Variants in MIPOL1 observed in about 807,000 individuals in gnomAD.
MIPOL1 encodes the protein mirror-image polydactyly gene 1 protein.
Under a neutral mutation model 60.9 loss-of-function variants are expected in MIPOL1, and 57 were observed. The ratio of observed to expected loss-of-function variants is 0.94; its 90% CI spans 0.76 to 1.17. The LOEUF (loss-of-function observed/expected upper bound fraction) is 1.17, where lower values mean the gene tolerates loss of function less well. MIPOL1 is among the 50% of genes most tolerant of loss of function. The pLI is 0.00. For synonymous variants in MIPOL1, 179 were observed against 168.8 expected, an observed-to-expected ratio of 1.06 and a Z score of -0.47; for missense variants, 551 against 511.6, an observed-to-expected ratio of 1.08 and a Z score of -0.74.
intron 3 of MIPOL1, among the ~76,000 whole-genome samples, chr14:37,265,028 G>A (rs1376377196): frequency 6.6e-6 from 1 of 152,002 alleles, no homozygotes; most frequent in Non-Finnish European, 1.5e-5. Flanking sequence ...CTTGGACTTT[G>A]TCCTTAATAC....
At chr14:37,308,733 A>G (rs867179358) in intron 9 of MIPOL1, among the ~76,000 whole-genome samples, 4 of 152,160 alleles carry the variant, frequency 2.6e-5, no homozygotes, top group African/African-American at 9.6e-5. Context: ...AATTTAATGC[A>G]GTCTCATTTC....
chr14:37,519,051 A>G (rs961339174), intron 12 of MIPOL1, among the ~76,000 whole-genome samples: 6 of 152,230 alleles, frequency 3.9e-5, no homozygotes, highest in African/African-American at 9.6e-5. Flanking sequence ...ATAAATGTAG[A>G]GAGAATGATA....
At chr14:37,396,518 G>T (rs1239545281) in intron 10 of MIPOL1, among the ~76,000 whole-genome samples, 1 of 145,642 alleles carries the variant, frequency 6.9e-6, no homozygotes, top group Non-Finnish European at 1.5e-5. Flanking sequence ...GGATGTGTAG[G>T]TCTCTAGCAA....
chr14:37,251,372 A>G lies in MIPOL1; in HGVS notation c.19+3465A>G, dbSNP rs186210617. On this transcript the variant is annotated intron_variant, in intron 3 of 12. Coordinates refer to ENST00000684589, the MANE Select transcript of MIPOL1 (RefSeq NM_001388067.1). The stretch of plus-strand genomic sequence containing the variant: ...CGAAAACAACTGTATCTAGCCCCCA[A>G]GTTTCTTTAAGGAGTTAAAAAAACA... Among the ~76,000 whole-genome samples, 64 of 152,176 alleles carry G rather than the reference A, an allele frequency of 4.2e-4. No homozygotes were observed. The East Asian group carries it at 8.7e-3, about 21-fold the overall frequency.
chr14:37,223,798 G>A (rs944188051), intron 1 of MIPOL1, among the ~76,000 whole-genome samples: 1 of 152,204 alleles, frequency 6.6e-6, no homozygotes, highest in Non-Finnish European at 1.5e-5. Context: ...GCCCTGCCTG[G>A]CCCCTCCTGG....
Position 37,335,181 on chromosome 14 carries a change from C to T in MIPOL1, c.828+26662C>T, listed in dbSNP as rs1595199047. On this transcript the variant is annotated intron_variant, in intron 9 of 12. Transcript: ENST00000684589. ...CTCGCTAACACCTGTTACTATCATT[C>T]TTTTTATTATAACCATCCCGGTGGA... Among the ~76,000 whole-genome samples the T allele has an allele frequency of 3.3e-5, 5 of 152,106 alleles. No homozygotes were observed. In the South Asian group the frequency reaches 1.0e-3, roughly 32 times the overall value.
rs1377256860 is a variant in MIPOL1, at chr14:37,267,099, T to G, written c.181T>G (p.Ser61Ala). The change falls in exon 4 of 13, where the codon TCA (serine) becomes GCA (alanine). Residue 61 changes from serine (S) to alanine (A), a missense_variant. By Grantham distance (99) the Ser-to-Ala change is moderately conservative (BLOSUM62 1). Coordinates refer to ENST00000684589, the MANE Select transcript of MIPOL1 (RefSeq NM_001388067.1). ...CENTEWPGQRSTNFQIISSYP... is the reference protein window; with the variant it reads ...CENTEWPGQRATNFQIISSYP... ...GAACACAGAATGGCCAGGGCAGAGA[T>G]CAACGAATTTTCAGATCATCAGTTC... 11 of 1,613,770 alleles carry G rather than the reference T, an allele frequency of 6.8e-6. No homozygotes were observed. Among genetic ancestry groups the G allele is most frequent in the Admixed American group, 1.7e-5 (1 of 59,968 alleles).
chr14:37,488,400 G>A (rs2094987923), intron 11 of MIPOL1, among the ~76,000 whole-genome samples: 1 of 152,000 alleles, frequency 6.6e-6, no homozygotes, highest in Non-Finnish European at 1.5e-5. Context: ...TCGTTGATCT[G>A]TCTAATATGG....
chr14:37,508,470 T>G (rs371002055), intron 12 of MIPOL1, among the ~76,000 whole-genome samples: 3 of 152,218 alleles, frequency 2.0e-5, no homozygotes, highest in African/African-American at 7.2e-5. Flanking sequence ...AACGATATTT[T>G]TATTGTACAA....
At chr14:37,329,779 A>T (rs1300265577) in intron 9 of MIPOL1, among the ~76,000 whole-genome samples, 1 of 152,164 alleles carries the variant, frequency 6.6e-6, no homozygotes, top group Non-Finnish European at 1.5e-5. Context: ...GTGTTTTAAA[A>T]TAGTATAAGA....
At chr14:37,287,007 A>G (rs1249779986) in intron 7 of MIPOL1, among the ~76,000 whole-genome samples, 1 of 152,106 alleles carries the variant, frequency 6.6e-6, no homozygotes, top group Non-Finnish European at 1.5e-5. Flanking sequence ...GTAGAGACTA[A>G]GAGCACAGAT....
chr14:37,241,057 A>G (rs961057568), intron 1 of MIPOL1, among the ~76,000 whole-genome samples: 5 of 152,150 alleles, frequency 3.3e-5, no homozygotes, highest in Non-Finnish European at 5.9e-5. Context: ...CTGGAGAGCC[A>G]GTAGCGCAAT....
At chr14:37,326,065 T>G (rs2089129332) in intron 9 of MIPOL1, among the ~76,000 whole-genome samples, 1 of 152,228 alleles carries the variant, frequency 6.6e-6, no homozygotes, top group African/African-American at 2.4e-5. Flanking sequence ...GAGTCATTCC[T>G]ATTTTTATCC....
intron 9 of MIPOL1, among the ~76,000 whole-genome samples, chr14:37,346,244 G>T (rs962610860): frequency 2.0e-5 from 3 of 152,144 alleles, no homozygotes; most frequent in Non-Finnish European, 4.4e-5. Flanking sequence ...CAGGAGAATT[G>T]CTTGAACCCA....
intron 12 of MIPOL1, among the ~76,000 whole-genome samples, chr14:37,522,638 G>C (rs778157567): frequency 1.3e-5 from 2 of 152,072 alleles, no homozygotes; most frequent in Non-Finnish European, 2.9e-5. Context: ...CCATCTCTGT[G>C]AAGTAGTTAA....
At chr14:37,448,701 G>A (rs1295505291) in intron 11 of MIPOL1, among the ~76,000 whole-genome samples, 1 of 152,076 alleles carries the variant, frequency 6.6e-6, no homozygotes, top group Non-Finnish European at 1.5e-5. Flanking sequence ...CAATGAGGTG[G>A]GGTTAAGCAA....
In MIPOL1 at chr14:37,379,278, G is replaced by A. The variant is rs188222485; in HGVS notation, c.936+9654G>A. On this transcript the variant is annotated intron_variant, in intron 10 of 12. Transcript: ENST00000684589. ...ATTCATATGCAAAAGAATGCATTTGGATCCATACCTCATCATACAACATAC... is the reference window on the plus strand; with the variant it reads ...ATTCATATGCAAAAGAATGCATTTGAATCCATACCTCATCATACAACATAC... Among the ~76,000 whole-genome samples, 255 of 152,072 alleles carry A rather than the reference G, an allele frequency of 1.7e-3. 1 individual carries two copies. The highest frequency in any genetic ancestry group is 6.8e-3 in the Middle Eastern group (2 of 294).
intron 9 of MIPOL1, among the ~76,000 whole-genome samples, chr14:37,331,320 G>C (rs2089661590): frequency 6.6e-6 from 1 of 151,908 alleles, no homozygotes; most frequent in Non-Finnish European, 1.5e-5. Flanking sequence ...GATGGGGATT[G>C]CATTGAATCT....
chr14:37,273,353 A>C (rs942205585), intron 6 of MIPOL1, among the ~76,000 whole-genome samples: 31 of 151,128 alleles, frequency 2.1e-4, no homozygotes, highest in African/African-American at 7.2e-4. Flanking sequence ...GTTAAAAAAA[A>C]ACATTGCTTT....
Sources: gnomAD v4.1 joint callset for allele counts (sites outside exome capture counted in the v4.1 genomes callset) on GRCh38, gnomAD v4.1.1 for gene constraint, MANE v1.5 for transcripts, NCBI Gene and HGNC (gene_info 2026-07-23, HGNC 2026-07-21) for gene names.